The following ASTN1 variants were observed in gnomAD, a reference collection of about 807,000 sequenced individuals.
ASTN1 encodes the protein astrotactin 1.
ASTN1 carries 41 observed loss-of-function variants against 140.7 expected under a neutral mutation model. The observed-to-expected ratio is 0.29, with a 90% CI of 0.23 to 0.38. The LOEUF is 0.38. Among genes scored for constraint, ASTN1 ranks in the 10% least tolerant of loss-of-function variants. The pLI, the probability that ASTN1 is intolerant of heterozygous loss-of-function variation, is 1.00. For synonymous variants in ASTN1, 640 were observed against 652.2 expected (o/e 0.98, Z 0.29); for missense variants, 1,479 against 1,678.8 (o/e 0.88, Z 2.08).
chr1:176,897,084 G>C (rs769213960), intron 16 of ASTN1, among the ~76,000 whole-genome samples: 3 of 152,068 alleles, frequency 2.0e-5, no homozygotes, highest in Middle Eastern at 3.2e-3. Context: ...AGACCAGCCT[G>C]GCCAACATGG....
intron 11 of ASTN1, among the ~76,000 whole-genome samples, chr1:176,953,486 C>T (rs926907909): frequency 2.0e-5 from 3 of 152,220 alleles, no homozygotes; most frequent in African/African-American, 2.4e-5. Context: ...CATGCAGGCT[C>T]AAGCCATGCA....
intron 21 of ASTN1, among the ~76,000 whole-genome samples, chr1:176,871,278 G>A (rs1668331793): frequency 6.6e-6 from 1 of 152,198 alleles, no homozygotes; most frequent in African/African-American, 2.4e-5. Context: ...TGGGAAGCAA[G>A]GAGCGCTTGC....
chr1:177,147,166 C>T (rs952114547), intron 1 of ASTN1, among the ~76,000 whole-genome samples: 18 of 152,006 alleles, frequency 1.2e-4, no homozygotes, highest in Non-Finnish European at 1.5e-5. Context: ...ATTGTAAATA[C>T]CAATTCAGTG....
chr1:176,933,608 A>T (rs2103090659), intron 16 of ASTN1, among the ~76,000 whole-genome samples: 1 of 152,330 alleles, frequency 6.6e-6, no homozygotes, highest in African/African-American at 2.4e-5. Context: ...GTAGACAAAG[A>T]TTTATTTGTG....
At chr1:177,101,523 C>G (rs987045727) in intron 1 of ASTN1, among the ~76,000 whole-genome samples, 1 of 152,134 alleles carries the variant, frequency 6.6e-6, no homozygotes, top group Non-Finnish European at 1.5e-5. Context: ...CTATGGTGTT[C>G]AAGTTACTGG....
chr1:176,877,700 G>A (rs186609280), intron 20 of ASTN1, among the ~76,000 whole-genome samples: 21 of 152,204 alleles, frequency 1.4e-4, no homozygotes, highest in Middle Eastern at 3.4e-3. Flanking sequence ...CAACCCAGTC[G>A]GTCTAAAGAA....
intron 16 of ASTN1, among the ~76,000 whole-genome samples, chr1:176,911,563 C>A (rs1166999697): frequency 6.6e-6 from 1 of 151,388 alleles, no homozygotes; most frequent in Non-Finnish European, 1.5e-5. Context: ...ACTTTGTAAA[C>A]TTTTTTGTTA....
chr1:176,910,614 G>A (rs574644053), intron 16 of ASTN1, among the ~76,000 whole-genome samples: 69 of 152,306 alleles, frequency 4.5e-4, no homozygotes, highest in African/African-American at 1.5e-3. Context: ...GCATCATTAA[G>A]TGAGTTCATC....
intron 1 of ASTN1, among the ~76,000 whole-genome samples, chr1:177,144,198 C>T: frequency 6.6e-6 from 1 of 150,456 alleles, no homozygotes; most frequent in African/African-American, 2.5e-5. Flanking sequence ...TAGGAATAGT[C>T]CCTAAGGCTA....
At chr1:177,142,279 T>A (rs1024373725) in intron 1 of ASTN1, among the ~76,000 whole-genome samples, 17 of 152,282 alleles carry the variant, frequency 1.1e-4, no homozygotes, top group Middle Eastern at 3.4e-3. Flanking sequence ...TGTTGTTTTT[T>A]TTTTTAATTA....
chr1:176,929,610 C>G (rs1359024566), intron 16 of ASTN1, among the ~76,000 whole-genome samples: 1 of 152,180 alleles, frequency 6.6e-6, no homozygotes, highest in Non-Finnish European at 1.5e-5. Flanking sequence ...ACAGCAGCCA[C>G]AGAAAACTAA....
At position 177,144,936 on chromosome 1, in the gene ASTN1, T is replaced by C. The variant is rs557471022; in HGVS notation, c.283+19458A>G. Among the ~76,000 whole-genome samples, 12 of 152,232 alleles carry C rather than the reference T, an allele frequency of 7.9e-5. No individual in the cohort carries two copies. In the South Asian group the frequency reaches 2.5e-3, roughly 32 times the overall value. On this transcript the variant is annotated intron_variant, in intron 1 of 22. Transcript: ENST00000361833. ...AAACACATGATTTACTCCAGGGAGA[T>C]AGAGAAAAATCATCATTTTTAGGGA... is the stretch of plus-strand genomic sequence containing the variant.
intron 2 of ASTN1, among the ~76,000 whole-genome samples, chr1:177,054,469 C>T (rs1027429073): frequency 6.6e-6 from 1 of 152,138 alleles, no homozygotes; most frequent in Non-Finnish European, 1.5e-5. Flanking sequence ...AGTTTTTCAG[C>T]CTCTGCTAAA....
At chr1:177,051,456 TA>T (rs1206810550) in intron 2 of ASTN1, among the ~76,000 whole-genome samples, 1 of 152,206 alleles carries the variant, frequency 6.6e-6, no homozygotes, top group Non-Finnish European at 1.5e-5. Context: ...AAGAGATGAA[TA>T]GTTGAAAAAG....
At chr1:177,000,906 C>G (rs2205890) in intron 8 of ASTN1, among the ~76,000 whole-genome samples, 4,123 of 152,214 alleles carry the variant, frequency 0.027, 192 homozygotes, top group African/African-American at 0.089. Flanking sequence ...ATATTATGAC[C>G]TTGAGGTGGG....
chr1:177,024,783 A>G, intron 5 of ASTN1, 51 bp from the exon 6 acceptor site: 1 of 1,584,108 alleles, frequency 6.3e-7, no homozygotes, highest in Non-Finnish European at 8.6e-7. Context: ...CTTGGCATTG[A>G]GAGTCCAACT....
downstream of ASTN1, among the ~76,000 whole-genome samples, chr1:176,860,495 G>T (rs1018588584): frequency 1.3e-5 from 2 of 152,220 alleles, no homozygotes; most frequent in Non-Finnish European, 2.9e-5. Flanking sequence ...TAGAGAGAAA[G>T]AAAGAGATTA....
At chr1:177,136,981 G>C (rs890947441) in intron 1 of ASTN1, among the ~76,000 whole-genome samples, 1 of 152,084 alleles carries the variant, frequency 6.6e-6, no homozygotes, top group Non-Finnish European at 1.5e-5. Flanking sequence ...AGGATGTTTG[G>C]CCGAATCTTT....
intron 1 of ASTN1, among the ~76,000 whole-genome samples, chr1:177,121,796 G>C (rs193241557): frequency 1.3e-5 from 2 of 152,206 alleles, no homozygotes; most frequent in African/African-American, 4.8e-5. Context: ...CAAGAGTCTA[G>C]GTTTTGTGAT....
Sources: allele counts gnomAD v4.1 joint callset (sites outside exome capture counted in the v4.1 genomes callset), GRCh38; gene constraint gnomAD v4.1.1; transcripts MANE v1.5; gene names NCBI Gene and HGNC (gene_info 2026-07-23, HGNC 2026-07-21).